Variants in MIR2052HG observed in about 807,000 individuals in gnomAD.
MIR2052HG encodes MIR2052 host gene.
intron 2 of MIR2052HG, chr8:74,632,401 CA>C (rs988863147): frequency 2.6e-5 from 4 of 152,116 alleles, no homozygotes; most frequent in Admixed American, 6.6e-5. Flanking sequence ...CAGTTTCTTT[CA>C]GGGGAGAGCC....
intron 4 of MIR2052HG, among the ~76,000 whole-genome samples, chr8:74,724,314 A>T (rs1809612338): frequency 6.6e-6 from 1 of 152,156 alleles, no homozygotes; most frequent in South Asian, 2.1e-4. Flanking sequence ...AATGTTTTTC[A>T]GGAGATAACA....
chr8:74,753,646 C>G (rs1429526049), intron 5 of MIR2052HG, among the ~76,000 whole-genome samples: 1 of 152,098 alleles, frequency 6.6e-6, no homozygotes, highest in Non-Finnish European at 1.5e-5. Flanking sequence ...TCTTCTTACC[C>G]CCAGGACTAC....
intron 4 of MIR2052HG, among the ~76,000 whole-genome samples, chr8:74,708,104 C>A (rs1809429516): frequency 6.6e-6 from 1 of 152,070 alleles, no homozygotes; most frequent in Non-Finnish European, 1.5e-5. Flanking sequence ...TATCTGTGAG[C>A]CATTTTGCTC....
At chr8:74,683,660 C>G (rs573390687) in intron 2 of MIR2052HG, among the ~76,000 whole-genome samples, 2 of 151,930 alleles carry the variant, frequency 1.3e-5, no homozygotes, top group Admixed American at 1.3e-4. Context: ...TGTATCTTAA[C>G]GTTTATTTTT....
At chr8:74,748,895 C>T (rs977056881) in intron 4 of MIR2052HG, among the ~76,000 whole-genome samples, 2 of 152,172 alleles carry the variant, frequency 1.3e-5, no homozygotes, top group African/African-American at 4.8e-5. Flanking sequence ...ATTATGCTCT[C>T]ATCATATTGA....
At chr8:74,610,277 A>G (rs1308047306) in intron 1 of MIR2052HG, among the ~76,000 whole-genome samples, 6 of 151,960 alleles carry the variant, frequency 3.9e-5, no homozygotes, top group Non-Finnish European at 8.8e-5. Flanking sequence ...TATCATATAC[A>G]ATAGTGTTCT....
chr8:74,733,399 A>G (rs1809715437), intron 4 of MIR2052HG, among the ~76,000 whole-genome samples: 1 of 152,192 alleles, frequency 6.6e-6, no homozygotes, highest in Non-Finnish European at 1.5e-5. Context: ...TGTCCCTACA[A>G]AGGACATAAA....
Position 74,611,430 on chromosome 8 carries a change from A to G in MIR2052HG, n.129-1423A>G, listed in dbSNP as rs552523029. ...TGGCGATTTTTAAAAAAATTACATA[A>G]ATTACATGCCATTTAATTTGATTAA... is the stretch of plus-strand genomic sequence containing the variant. On this transcript the variant is annotated intron_variant and non_coding_transcript_variant, in intron 1 of 6. Coordinates refer to ENST00000523442, the Ensembl canonical transcript of MIR2052HG. 4.2e-4 allele frequency among the ~76,000 whole-genome samples: 64 copies of G among 152,234 alleles called. 1 individual carries two copies. In the South Asian group the frequency reaches 0.013, roughly 31 times the overall value.
intron 2 of MIR2052HG, among the ~76,000 whole-genome samples, chr8:74,629,441 G>C (rs1808479220): frequency 6.6e-6 from 1 of 152,072 alleles, no homozygotes; most frequent in African/African-American, 2.4e-5. Flanking sequence ...TGATGCCTAG[G>C]GTGGGGGAGT....
chr8:74,668,299 A>G (rs939974396), intron 2 of MIR2052HG, among the ~76,000 whole-genome samples: 1 of 152,124 alleles, frequency 6.6e-6, no homozygotes, highest in African/African-American at 2.4e-5. Flanking sequence ...ACACATGCCA[A>G]GAAGAACAAG....
chr8:74,689,442 T>C (rs1181335944), intron 2 of MIR2052HG, among the ~76,000 whole-genome samples: 1 of 152,242 alleles, frequency 6.6e-6, no homozygotes, highest in East Asian at 1.9e-4. Flanking sequence ...GAAGTTCATT[T>C]TGGTTACCAA....
At chr8:74,717,892 T>A (rs1419793095) in intron 4 of MIR2052HG, among the ~76,000 whole-genome samples, 1 of 152,106 alleles carries the variant, frequency 6.6e-6, no homozygotes, top group Non-Finnish European at 1.5e-5. Flanking sequence ...TAAATAAAAA[T>A]ACACTGCATG....
chr8:74,677,788 G>T (rs1010743781), intron 2 of MIR2052HG, among the ~76,000 whole-genome samples: 2 of 151,800 alleles, frequency 1.3e-5, no homozygotes, highest in Admixed American at 6.6e-5. Flanking sequence ...AAATAAAGAA[G>T]AATAATAGAA....
chr8:74,629,935 T>C (rs901923843), intron 2 of MIR2052HG, among the ~76,000 whole-genome samples: 6 of 152,160 alleles, frequency 3.9e-5, no homozygotes, highest in Admixed American at 1.3e-4. Flanking sequence ...CCCTCACCCA[T>C]GCATCCAGCC....
At chr8:74,755,005 A>G (rs976269209) in intron 5 of MIR2052HG, among the ~76,000 whole-genome samples, 2 of 152,178 alleles carry the variant, frequency 1.3e-5, no homozygotes, top group Non-Finnish European at 2.9e-5. Flanking sequence ...TTTGGAGACA[A>G]CTAGAGAAAT....
At chr8:74,718,607 C>A (rs985172792) in intron 4 of MIR2052HG, among the ~76,000 whole-genome samples, 5 of 152,142 alleles carry the variant, frequency 3.3e-5, no homozygotes, top group Admixed American at 2.6e-4. Context: ...CACCTAGGAA[C>A]AAAGGAAGCT....
At chr8:74,673,910 T>TATATATATATATACATAC (rs1485340799) in intron 2 of MIR2052HG, among the ~76,000 whole-genome samples, 4 of 133,226 alleles carry the variant, frequency 3.0e-5, no homozygotes, top group African/African-American at 1.4e-4. Context: ...TATATATATA[T>TATATATATATATACATAC]ACACACACAA....
chr8:74,717,162 C>T (rs1470768027), intron 4 of MIR2052HG, among the ~76,000 whole-genome samples: 1 of 152,002 alleles, frequency 6.6e-6, no homozygotes, highest in African/African-American at 2.4e-5. Flanking sequence ...TCCCCTCACC[C>T]CCGACCCCCT....
chr8:74,620,388 A>G (rs538926115), intron 2 of MIR2052HG, among the ~76,000 whole-genome samples: 1 of 152,180 alleles, frequency 6.6e-6, no homozygotes, highest in Non-Finnish European at 1.5e-5. Flanking sequence ...TGGGGTCACC[A>G]ACCTCACGTT....
Sources: allele counts gnomAD v4.1 joint callset (sites outside exome capture counted in the v4.1 genomes callset), GRCh38; gene constraint gnomAD v4.1.1; transcripts MANE v1.5; gene names NCBI Gene and HGNC (gene_info 2026-07-23, HGNC 2026-07-21).